GABRB2: variants seen among roughly 807,000 people sequenced by gnomAD.
GABRB2 encodes the protein gamma-aminobutyric acid type A receptor subunit beta2.
Under a neutral mutation model 54.7 loss-of-function variants are expected in GABRB2, and 16 were observed. The ratio of observed to expected loss-of-function variants is 0.29; its 90% confidence interval spans 0.20 to 0.44. GABRB2 has a LOEUF of 0.44. Among genes scored for constraint, GABRB2 ranks in the 20% least tolerant of loss-of-function variants. GABRB2 has a pLI of 1.00. For missense variants in GABRB2, 355 were observed against 644.0 expected (o/e 0.55, Z 4.86); for synonymous variants, 244 against 233.8 (o/e 1.04, Z -0.40).
intron 3 of GABRB2, among the ~76,000 whole-genome samples, chr5:161,499,364 C>T (rs762714386): frequency 1.0e-3 from 158 of 152,190 alleles, no homozygotes; most frequent in Admixed American, 2.8e-3. Context: ...TGACTTTAAG[C>T]AAATAATTCT....
chr5:161,417,541 C>A (rs1468492299), intron 4 of GABRB2, among the ~76,000 whole-genome samples: 1 of 152,174 alleles, frequency 6.6e-6, no homozygotes. Context: ...TTTAGCTTCT[C>A]TGGAGGATTG....
intron 9 of GABRB2, among the ~76,000 whole-genome samples, chr5:161,320,227 A>T (rs1027252753): frequency 6.6e-5 from 10 of 151,836 alleles, no homozygotes; most frequent in African/African-American, 2.4e-4. Flanking sequence ...AGTTTTTAAA[A>T]TTACTTGCTA....
At chr5:161,415,663 A>G (rs1250917011) in intron 4 of GABRB2, among the ~76,000 whole-genome samples, 1 of 152,072 alleles carries the variant, frequency 6.6e-6, no homozygotes, top group Non-Finnish European at 1.5e-5. Context: ...CCCAGGCTGG[A>G]ATAAAGTGAT....
chr5:161,347,927 T>C (rs968141187), intron 5 of GABRB2, among the ~76,000 whole-genome samples: 3 of 152,108 alleles, frequency 2.0e-5, no homozygotes, highest in African/African-American at 7.2e-5. Context: ...AGCTGGACAT[T>C]GCTAAAGGGA....
At chr5:161,459,418 A>G (rs905520738) in intron 4 of GABRB2, 2 of 587,404 alleles carry the variant, frequency 3.4e-6, no homozygotes, top group South Asian at 4.1e-5. Flanking sequence ...TTGGAAGATA[A>G]TTCAGAAAAA....
At chr5:161,349,816 C>T (rs1032210350) in intron 5 of GABRB2, among the ~76,000 whole-genome samples, 1 of 152,094 alleles carries the variant, frequency 6.6e-6, no homozygotes, top group Non-Finnish European at 1.5e-5. Flanking sequence ...AAGAGCCTTT[C>T]CTGTTTGGGC....
In GABRB2 at chr5:161,466,351, G is replaced by A. The variant is rs141636124; in HGVS notation, c.238-6507C>T. On this transcript the variant is annotated intron_variant, in intron 3 of 9. Coordinates refer to ENST00000393959, the MANE Select transcript of GABRB2 (RefSeq NM_001371727.1). ...CCTTTGTAATAAACAAATATCTTTG[G>A]TAGATATTTTAGGATTATGGAAAGT... is the stretch of plus-strand genomic sequence containing the variant. 3.5e-3 allele frequency among the ~76,000 whole-genome samples: 536 copies of A among 152,064 alleles called. 4 individuals are homozygous for A. Among genetic ancestry groups the A allele is most frequent in the African/African-American group, 0.012 (510 of 41,494 alleles).
At position 161,339,857 on chromosome 5, in the gene GABRB2, A is replaced by G. The variant is rs563191449; in HGVS notation, c.542-3088T>C. Among the ~76,000 whole-genome samples, 6 of 152,170 alleles carry G rather than the reference A, an allele frequency of 3.9e-5. No homozygotes were observed. The East Asian group carries it at 5.8e-4, about 15-fold the overall frequency. ...AATGATAGAGTAAGGACTTGATGCC[A>G]TATCTATGTGACTGACCTCAAAGAA... On this transcript the variant is annotated intron_variant, in intron 5 of 9. Transcript: ENST00000393959.
chr5:161,364,096 T>G (rs1402790425), intron 5 of GABRB2, among the ~76,000 whole-genome samples: 1 of 152,168 alleles, frequency 6.6e-6, no homozygotes, highest in Admixed American at 6.6e-5. Context: ...AGGAGTAACA[T>G]GTGCAAGTTA....
intron 9 of GABRB2, among the ~76,000 whole-genome samples, chr5:161,324,892 G>A (rs1322348322): frequency 6.6e-6 from 1 of 152,010 alleles, no homozygotes; most frequent in Non-Finnish European, 1.5e-5. Flanking sequence ...TAGAGGAAGA[G>A]GTCTTAACAA....
At chr5:161,512,558 A>T (rs1581047526) in intron 3 of GABRB2, among the ~76,000 whole-genome samples, 1 of 152,082 alleles carries the variant, frequency 6.6e-6, no homozygotes, top group African/African-American at 2.4e-5. Context: ...CATACAAAAA[A>T]ACTAATTCAG....
At chr5:161,303,916 T>C (rs1243310026) in intron 9 of GABRB2, among the ~76,000 whole-genome samples, 1 of 152,194 alleles carries the variant, frequency 6.6e-6, no homozygotes, top group Non-Finnish European at 1.5e-5. Context: ...TAACTATAAG[T>C]TCAACAAATT....
intron 5 of GABRB2, among the ~76,000 whole-genome samples, chr5:161,346,701 C>T (rs767286542): frequency 3.9e-5 from 6 of 151,996 alleles, no homozygotes; most frequent in Admixed American, 2.0e-4. Flanking sequence ...GTACTGTTAG[C>T]GTGTATCTTG....
At chr5:161,318,456 C>T (rs1758108680) in intron 9 of GABRB2, among the ~76,000 whole-genome samples, 1 of 151,968 alleles carries the variant, frequency 6.6e-6, no homozygotes, top group African/African-American at 2.4e-5. Flanking sequence ...CAAATCATTG[C>T]TCACTGTTTA....
At chr5:161,397,755 G>A (rs781231738) in intron 5 of GABRB2, among the ~76,000 whole-genome samples, 3 of 152,192 alleles carry the variant, frequency 2.0e-5, no homozygotes, top group Admixed American at 6.5e-5. Flanking sequence ...GTGCTCGTAT[G>A]ACTTAAGCAT....
At chr5:161,522,939 GTA>G (rs376966922) in intron 3 of GABRB2, among the ~76,000 whole-genome samples, 173 of 151,602 alleles carry the variant, frequency 1.1e-3, no homozygotes, top group African/African-American at 2.4e-3. Context: ...TTAAATTTGT[GTA>G]TGTGTGTGTG....
intron 3 of GABRB2, among the ~76,000 whole-genome samples, chr5:161,506,914 C>A (rs1431354918): frequency 2.0e-5 from 3 of 152,080 alleles, no homozygotes; most frequent in African/African-American, 4.8e-5. Context: ...TACCTCAAAT[C>A]CCTACATAGA....
chr5:161,431,500 A>G (rs1757170520), intron 4 of GABRB2, among the ~76,000 whole-genome samples: 1 of 152,212 alleles, frequency 6.6e-6, no homozygotes, highest in Non-Finnish European at 1.5e-5. Context: ...ATTAATGTTT[A>G]TGCCTTCCTT....
intron 3 of GABRB2, among the ~76,000 whole-genome samples, chr5:161,530,554 G>C (rs1760422367): frequency 1.3e-5 from 2 of 151,978 alleles, no homozygotes; most frequent in African/African-American, 4.8e-5. Context: ...GTGTTACAAA[G>C]CAATTGGAAA....
Sources: allele counts gnomAD v4.1 joint callset (sites outside exome capture counted in the v4.1 genomes callset), GRCh38; gene constraint gnomAD v4.1.1; transcripts MANE v1.5; gene names NCBI Gene and HGNC (gene_info 2026-07-23, HGNC 2026-07-21).